C7orf78: variants seen among roughly 807,000 people sequenced by gnomAD.
The protein encoded by C7orf78 is chromosome 7 open reading frame 78.
the C7orf78 span, chr7:12,507,325 G>C: frequency 7.4e-6 from 1 of 135,986 alleles, no homozygotes; most frequent in Non-Finnish European, 1.5e-5. Flanking sequence ...AAAAAAAAAA[G>C]GCTAGAAAAG....
the C7orf78 span, among the ~76,000 whole-genome samples, chr7:12,497,265 C>T: frequency 6.6e-6 from 1 of 152,124 alleles, no homozygotes; most frequent in Non-Finnish European, 1.5e-5. Flanking sequence ...CAGCTCCCAG[C>T]CTGAGCGACG....
chr7:12,497,408 C>A, the C7orf78 span, among the ~76,000 whole-genome samples: 8 of 152,348 alleles, frequency 5.3e-5, no homozygotes, highest in African/African-American at 1.9e-4. Context: ...CATTGCCTCA[C>A]TCGGGAAGCG....
the C7orf78 span, among the ~76,000 whole-genome samples, chr7:12,533,708 A>G: frequency 1.3e-5 from 2 of 151,410 alleles, no homozygotes; most frequent in Non-Finnish European, 2.9e-5. Context: ...AGTAGAGACA[A>G]GGTTTCACCA....
the C7orf78 span, among the ~76,000 whole-genome samples, chr7:12,533,335 G>A: frequency 2.0e-5 from 3 of 151,646 alleles, no homozygotes; most frequent in Admixed American, 6.6e-5. Flanking sequence ...TGAGTAGCTG[G>A]GATTACAGGT....
At chr7:12,537,921 C>G in the C7orf78 span, among the ~76,000 whole-genome samples, 55 of 152,140 alleles carry the variant, frequency 3.6e-4, no homozygotes, top group African/African-American at 1.3e-3. Context: ...TATATATACA[C>G]ATATCTGTAT....
chr7:12,502,854 C>T, the C7orf78 span, among the ~76,000 whole-genome samples: 1 of 141,646 alleles, frequency 7.1e-6, no homozygotes, highest in South Asian at 2.2e-4. Context: ...GAATGATAGA[C>T]TGGATTAAGA....
chr7:12,510,992 G>GT, the C7orf78 span, among the ~76,000 whole-genome samples: 4 of 152,184 alleles, frequency 2.6e-5, no homozygotes, highest in South Asian at 2.1e-4. Context: ...CTTTCCCTGT[G>GT]TTTTTTGTAG....
the C7orf78 span, chr7:12,525,751 A>T: frequency 5.1e-6 from 2 of 393,786 alleles, no homozygotes; most frequent in Non-Finnish European, 9.0e-6. Context: ...ATTAGGAAAA[A>T]TCAAACTCCA....
At chr7:12,503,706 C>T in the C7orf78 span, among the ~76,000 whole-genome samples, 3 of 151,200 alleles carry the variant, frequency 2.0e-5, no homozygotes, top group Admixed American at 2.0e-4. Context: ...TGTGCTGCAC[C>T]CATTATATTT....
chr7:12,491,434 G>A, the C7orf78 span: 5 of 152,112 alleles, frequency 3.3e-5, no homozygotes, highest in Admixed American at 3.3e-4. Flanking sequence ...CAAGATTTCA[G>A]GCTTCACTCA....
chr7:12,518,762 G>T, the C7orf78 span, among the ~76,000 whole-genome samples: 7 of 152,074 alleles, frequency 4.6e-5, no homozygotes, highest in Non-Finnish European at 8.8e-5. Flanking sequence ...TAGTAGGCAG[G>T]TTGAGACAGT....
At chr7:12,498,550 A>G in the C7orf78 span, among the ~76,000 whole-genome samples, 1 of 152,094 alleles carries the variant, frequency 6.6e-6, no homozygotes, top group South Asian at 2.1e-4. Flanking sequence ...AATAAAAAGA[A>G]ACGAGCAAAG....
At chr7:12,533,477 AG>A in the C7orf78 span, among the ~76,000 whole-genome samples, 2 of 148,726 alleles carry the variant, frequency 1.3e-5, no homozygotes, top group Non-Finnish European at 3.0e-5. Flanking sequence ...CTGGGATTAC[AG>A]GTGTGAGCCA....
chr7:12,507,144 CAAAA>C, the C7orf78 span: 13 of 114,974 alleles, frequency 1.1e-4, no homozygotes, highest in South Asian at 5.1e-4. Context: ...ACTAAAAATA[CAAAA>C]AAAAAAAAAA....
chr7:12,517,163 T>G, the C7orf78 span, among the ~76,000 whole-genome samples: 20 of 152,088 alleles, frequency 1.3e-4, no homozygotes, highest in African/African-American at 4.3e-4. Flanking sequence ...ATTTGAATCA[T>G]GGGTGCAGTT....
chr7:12,510,351 A>C, the C7orf78 span, among the ~76,000 whole-genome samples: 3 of 152,060 alleles, frequency 2.0e-5, no homozygotes, highest in African/African-American at 7.2e-5. Flanking sequence ...TGCCTGGCTA[A>C]TTTCTGTACT....
At chr7:12,512,404 T>A in the C7orf78 span, among the ~76,000 whole-genome samples, 1,132 of 152,368 alleles carry the variant, frequency 7.4e-3, 9 homozygotes, top group Middle Eastern at 0.01. Context: ...TAAAGTGGTG[T>A]GGAATTTTAT....
the C7orf78 span, among the ~76,000 whole-genome samples, chr7:12,534,211 T>C: frequency 2.7e-3 from 413 of 152,330 alleles, 5 homozygotes; most frequent in African/African-American, 9.5e-3. Flanking sequence ...GTCATTTCTA[T>C]AATTTAAACT....
At chr7:12,492,315 C>T in the C7orf78 span, among the ~76,000 whole-genome samples, 2 of 152,160 alleles carry the variant, frequency 1.3e-5, no homozygotes, top group African/African-American at 4.8e-5. Flanking sequence ...AATCTCTCTA[C>T]CCAAGTCATT....
Sources: allele counts gnomAD v4.1 joint callset (sites outside exome capture counted in the v4.1 genomes callset), GRCh38; gene constraint gnomAD v4.1.1; transcripts MANE v1.5; gene names NCBI Gene and HGNC (gene_info 2026-07-23, HGNC 2026-07-21).